Variants in UPRT observed in about 807,000 individuals in gnomAD.
The protein encoded by UPRT is uracil phosphoribosyltransferase homolog.
In UPRT, 5 loss-of-function variants were observed where a neutral mutation model predicts 22.6. The ratio of observed to expected loss-of-function variants is 0.22; its 90% CI spans 0.12 to 0.47. UPRT has a LOEUF of 0.47. Among genes scored for constraint, UPRT ranks in the 20% least tolerant of loss-of-function variants. The pLI is 0.99. For missense variants in UPRT, 181 were observed against 239.9 expected, an observed-to-expected ratio of 0.75 and a Z score of 1.62; for synonymous variants, 77 against 87.7, an observed-to-expected ratio of 0.88 and a Z score of 0.68.
intron 4 of UPRT, among the ~76,000 whole-genome samples, chrX:75,216,271 T>C (rs1432835748): frequency 8.9e-6 from 1 of 112,289 alleles, no homozygotes; most frequent in Non-Finnish European, 1.9e-5. Flanking sequence ...CACATAATCA[T>C]ATTCAATAAG....
chrX:75,242,892 T>C (rs2082492920), intron 4 of UPRT, among the ~76,000 whole-genome samples: 1 of 111,567 alleles, frequency 9.0e-6, no homozygotes, highest in Admixed American at 9.6e-5. Context: ...TAAAAGTGTT[T>C]TGTAAAGGCA....
intron 4 of UPRT, among the ~76,000 whole-genome samples, chrX:75,206,081 G>A (rs78346382): frequency 9.0e-6 from 1 of 111,629 alleles, no homozygotes; most frequent in African/African-American, 3.3e-5. Flanking sequence ...CTCATTTAAT[G>A]TTTACAGCCT....
chrX:75,193,848 T>C (rs2082324380), intron 4 of UPRT, among the ~76,000 whole-genome samples: 1 of 111,640 alleles, frequency 9.0e-6, no homozygotes, highest in Admixed American at 9.5e-5. Context: ...TCTATCAGCT[T>C]CTGTATCATT....
rs771601357 is a variant in UPRT, at chrX:75,303,380, C to A, written c.824-25C>A. On this transcript the variant is annotated intron_variant, in intron 6 of 6. Transcript: ENST00000373383. Reference sequence around the variant, plus strand: ...AACTGGTGTTACCAAAACATCCTACCATAATAACTTTTGTTTTTTTGAAGG... The same window carrying A: ...AACTGGTGTTACCAAAACATCCTACAATAATAACTTTTGTTTTTTTGAAGG... 3.5e-6 allele frequency: 4 copies of A among 1,138,380 alleles called. No individual in the cohort carries two copies. In the African/African-American group the frequency reaches 7.2e-5, roughly 21 times the overall value. The allele number at this position is 1,138,380 out of a possible 1,213,427, so 93.8% of individuals were successfully genotyped here.
intron 4 of UPRT, among the ~76,000 whole-genome samples, chrX:75,211,428 G>A (rs1057425836): frequency 1.8e-5 from 2 of 111,256 alleles, no homozygotes; most frequent in Non-Finnish European, 3.8e-5. Context: ...GGATTTTCTG[G>A]TGAACCATCA....
At chrX:75,204,445 C>G (rs1167626222) in intron 4 of UPRT, among the ~76,000 whole-genome samples, 1 of 112,349 alleles carries the variant, frequency 8.9e-6, no homozygotes, top group Non-Finnish European at 1.9e-5. Context: ...GAAAAAAGAC[C>G]AGGGGTTGAC....
intron 4 of UPRT, among the ~76,000 whole-genome samples, chrX:75,255,268 T>C (rs1191430387): frequency 9.0e-6 from 1 of 111,195 alleles, no homozygotes; most frequent in Admixed American, 9.6e-5. Flanking sequence ...GCTTTATATA[T>C]GAAAAAAAGA....
At chrX:75,270,975 C>T (rs764644863), upstream of UPRT, among the ~76,000 whole-genome samples, 1 of 111,052 alleles carries the variant, frequency 9.0e-6, no homozygotes, top group South Asian at 3.8e-4. Context: ...GGTGAAAGAC[C>T]TCTACAAGGA....
chrX:75,239,440 G>A (rs561460799), intron 4 of UPRT, among the ~76,000 whole-genome samples: 8 of 110,965 alleles, frequency 7.2e-5, no homozygotes, highest in East Asian at 2.8e-4. Context: ...TAAGTAGCAA[G>A]ATTGAAACAG....
intron 4 of UPRT, among the ~76,000 whole-genome samples, chrX:75,252,330 C>G (rs1421831012): frequency 1.8e-5 from 2 of 110,101 alleles, no homozygotes; most frequent in East Asian, 2.9e-4. Flanking sequence ...AAAATTAACT[C>G]AAACAAATTT....
chrX:75,201,813 TC>T (rs1330308230), intron 4 of UPRT: 3 of 114,574 alleles, frequency 2.6e-5, no homozygotes, highest in African/African-American at 9.7e-5. Flanking sequence ...CTGACCCCTC[TC>T]CACCCTGGAC....
chrX:75,189,533 T>C (rs10126144), intron 4 of UPRT, among the ~76,000 whole-genome samples: 3,146 of 111,501 alleles, frequency 0.028, 114 homozygotes, highest in African/African-American at 0.098. Flanking sequence ...TTCCTGGAGA[T>C]CCTTGTTAAC....
chrX:75,248,684 A>G (rs2082516323), intron 4 of UPRT, among the ~76,000 whole-genome samples: 1 of 111,894 alleles, frequency 8.9e-6, no homozygotes, highest in Admixed American at 9.5e-5. Context: ...GCAGGCCAAC[A>G]TTCAAATTCA....
upstream of UPRT, among the ~76,000 whole-genome samples, chrX:75,272,310 G>GTATA (rs1569279411): frequency 1.5e-4 from 13 of 88,430 alleles, no homozygotes; most frequent in African/African-American, 5.0e-4. Context: ...GTATATATAT[G>GTATA]TGTATATATA....
At chrX:75,231,005 A>C (rs2082436665) in intron 4 of UPRT, among the ~76,000 whole-genome samples, 1 of 106,236 alleles carries the variant, frequency 9.4e-6, no homozygotes, top group Non-Finnish European at 1.9e-5. Flanking sequence ...AATAAGAAGA[A>C]ACCAGACAAG....
intron 4 of UPRT, among the ~76,000 whole-genome samples, chrX:75,267,006 C>A (rs950508409): frequency 9.0e-6 from 1 of 111,200 alleles, no homozygotes; most frequent in Non-Finnish European, 1.9e-5. Context: ...TAAACTGGTT[C>A]AATCATTGTG....
chrX:75,254,664 A>G (rs1002691064), intron 4 of UPRT, among the ~76,000 whole-genome samples: 1 of 111,964 alleles, frequency 8.9e-6, no homozygotes, highest in Non-Finnish European at 1.9e-5. Flanking sequence ...ATCCAAATAC[A>G]AGAAGCACAA....
chrX:75,187,629 A>G (rs1261694381), intron 4 of UPRT, among the ~76,000 whole-genome samples: 6 of 111,907 alleles, frequency 5.4e-5, no homozygotes, highest in Admixed American at 9.5e-5. Context: ...TTCCAACTTG[A>G]TTCCATTCTC....
chrX:75,167,206 T>A (rs2082215480), intron 3 of UPRT, among the ~76,000 whole-genome samples: 1 of 112,185 alleles, frequency 8.9e-6, no homozygotes, highest in South Asian at 3.7e-4. Context: ...CCCTATGAAA[T>A]TTAGCACTGT....
Sources: allele counts gnomAD v4.1 joint callset (sites outside exome capture counted in the v4.1 genomes callset), GRCh38; gene constraint gnomAD v4.1.1; transcripts MANE v1.5; gene names NCBI Gene and HGNC (gene_info 2026-07-23, HGNC 2026-07-21).